The following IL1RL2 variants were observed in gnomAD, a reference collection of about 807,000 sequenced individuals.
IL1RL2 encodes interleukin 1 receptor like 2.
IL1RL2 carries 68 observed loss-of-function variants against 66.8 expected under a neutral mutation model. The ratio of observed to expected loss-of-function variants is 1.02; its 90% CI spans 0.84 to 1.25. IL1RL2 has a LOEUF of 1.25. Ranked by LOEUF, IL1RL2 falls within the 50% of genes most tolerant of loss-of-function variation. IL1RL2 has a pLI of 0.00. For missense variants in IL1RL2, 729 were observed against 709.3 expected, an observed-to-expected ratio of 1.03 and a Z score of -0.32; for synonymous variants, 305 against 264.6, an observed-to-expected ratio of 1.15 and a Z score of -1.48.
intron 4 of IL1RL2, among the ~76,000 whole-genome samples, chr2:102,197,015 A>G (rs1687844686): frequency 6.6e-6 from 1 of 152,216 alleles, no homozygotes; most frequent in Non-Finnish European, 1.5e-5. Flanking sequence ...AATCAAGTTA[A>G]GAAGTGCGGT....
rs576220108 is a variant in IL1RL2, at chr2:102,219,329, C to T, written c.854+247C>T. 5.3e-5 allele frequency among the ~76,000 whole-genome samples: 8 copies of T among 152,292 alleles called. No homozygotes were observed. The South Asian group carries it at 8.3e-4, about 16-fold the overall frequency. On this transcript the variant is annotated intron_variant, in intron 7 of 11. Coordinates refer to ENST00000264257, the MANE Select transcript of IL1RL2 (RefSeq NM_003854.4). ...TCCATTCAGTTATATCATGAGCCAT[C>T]GGCCTTCAAAGCTTAATGCCCCGGG... is the stretch of plus-strand genomic sequence containing the variant.
chr2:102,232,572 T>G (rs1340497307), intron 9 of IL1RL2, among the ~76,000 whole-genome samples: 1 of 152,244 alleles, frequency 6.6e-6, no homozygotes, highest in Non-Finnish European at 1.5e-5. Flanking sequence ...GCTATCCTCC[T>G]GCTTCAGCTT....
At chr2:102,196,206 T>C (rs573947178) in intron 4 of IL1RL2, among the ~76,000 whole-genome samples, 55 of 152,198 alleles carry the variant, frequency 3.6e-4, no homozygotes, top group Admixed American at 1.8e-3. Flanking sequence ...TTAAAAATTC[T>C]GATGTTCAGC....
chr2:102,191,815 G>A, intron 3 of IL1RL2, 110 bp from the exon 4 acceptor site: 1 of 717,930 alleles, frequency 1.4e-6, no homozygotes, highest in Non-Finnish European at 2.3e-6. Flanking sequence ...TAGAGGCAGA[G>A]GGTTTGCACA....
intron 2 of IL1RL2, 148 bp downstream of exon 2, chr2:102,188,073 CAG>C: frequency 1.4e-6 from 1 of 705,450 alleles, no homozygotes; most frequent in Non-Finnish European, 2.5e-6. Context: ...GAAGAGGAAA[CAG>C]AGAACCAGCT....
intron 8 of IL1RL2, among the ~76,000 whole-genome samples, chr2:102,224,615 G>T (rs1228954996): frequency 5.9e-5 from 9 of 151,944 alleles, no homozygotes; most frequent in Non-Finnish European, 1.2e-4. Context: ...ATGGGTAAAA[G>T]AAAAAAATAC....
At chr2:102,187,190 G>T (rs776428767) in intron 1 of IL1RL2, 104 bp downstream of exon 1, 230 of 1,238,892 alleles carry the variant, frequency 1.9e-4, no homozygotes, top group Non-Finnish European at 2.2e-4. Context: ...GCCACCGCAG[G>T]CCAGGGATCA....
intron 4 of IL1RL2, among the ~76,000 whole-genome samples, chr2:102,199,396 A>C (rs1688046512): frequency 1.3e-5 from 2 of 152,166 alleles, no homozygotes. Context: ...ACTATTCTGT[A>C]CCCACTGCAT....
chr2:102,214,060 C>A (rs935237894), intron 6 of IL1RL2, among the ~76,000 whole-genome samples: 10 of 152,064 alleles, frequency 6.6e-5, no homozygotes, highest in Admixed American at 2.6e-4. Context: ...AATAATAATA[C>A]CTATAATAAA....
intron 4 of IL1RL2, among the ~76,000 whole-genome samples, chr2:102,200,853 G>A (rs1320750904): frequency 6.6e-6 from 1 of 152,160 alleles, no homozygotes; most frequent in East Asian, 1.9e-4. Flanking sequence ...TTGTTGCCTT[G>A]TCCATGGAGG....
At chr2:102,192,427 A>C (rs549434920) in intron 4 of IL1RL2, among the ~76,000 whole-genome samples, 1 of 152,270 alleles carries the variant, frequency 6.6e-6, no homozygotes, top group South Asian at 2.1e-4. Flanking sequence ...TACTATGTGC[A>C]CATGGTTCAA....
Position 102,235,047 on chromosome 2 carries a change from T to G in IL1RL2, c.1448T>G (p.Val483Gly). The stretch of plus-strand genomic sequence containing the variant: ...GCCCTGATCCAGGACGGGATGAAGG[T>G]TATTCTCATTGAGCTGGAGAAAATC... ...YSALIQDGMK[V>G]ILIELEKIED... The change falls in exon 11 of 12, where the codon GTT becomes GGT. Residue 483 changes from valine (V) to glycine (G), a missense_variant. Transcript: ENST00000264257. 6.2e-7 allele frequency: 1 copy of G among 1,614,100 alleles called. No homozygotes were observed. The highest frequency in any genetic ancestry group is 8.5e-7 in the Non-Finnish European group (1 of 1,180,022).
chr2:102,225,645 G>T (rs191706999), intron 8 of IL1RL2, among the ~76,000 whole-genome samples: 1 of 152,188 alleles, frequency 6.6e-6, no homozygotes, highest in African/African-American at 2.4e-5. Context: ...GGAAACTAGG[G>T]CTCTGCAGAC....
In IL1RL2 at chr2:102,239,835, G is replaced by C. The variant is rs1424198294; in HGVS notation, c.*594G>C. 1 of 155,046 alleles carries C rather than the reference G, an allele frequency of 6.4e-6. No homozygotes were observed. Among genetic ancestry groups the C allele is most frequent in the Non-Finnish European group, 1.4e-5 (1 of 69,562 alleles). The allele number at this position is 155,046 out of a possible 1,614,324, so 9.6% of individuals were successfully genotyped here. A position where few individuals can be genotyped will look rare whatever the true frequency, so the allele number is the denominator to read the frequency against. On this transcript the variant is annotated 3_prime_UTR_variant, in exon 12 of 12. Transcript: ENST00000264257. ...GGGGATCACCTGTCATGGTGGGTGA[G>C]AGTTGGGATTCATCCCCATGTCATG...
At chr2:102,242,555 G>T (rs139502775), downstream of IL1RL2, among the ~76,000 whole-genome samples, 5 of 152,242 alleles carry the variant, frequency 3.3e-5, no homozygotes, top group African/African-American at 1.2e-4. Flanking sequence ...AGATGAGATG[G>T]TTCAGCTCAA....
chr2:102,233,534 G>A (rs750568870), intron 10 of IL1RL2, among the ~76,000 whole-genome samples: 3 of 152,136 alleles, frequency 2.0e-5, no homozygotes, highest in Non-Finnish European at 2.9e-5. Flanking sequence ...AAATCAGGTC[G>A]TGCTTAAAGC....
At chr2:102,231,279 A>T (rs1456676943) in intron 9 of IL1RL2, among the ~76,000 whole-genome samples, 1 of 151,738 alleles carries the variant, frequency 6.6e-6, no homozygotes, top group East Asian at 1.9e-4. Flanking sequence ...CAACTCTCCC[A>T]CCCTTTAAAA....
chr2:102,197,372 T>C (rs960083507), intron 4 of IL1RL2, among the ~76,000 whole-genome samples: 1 of 151,952 alleles, frequency 6.6e-6, no homozygotes, highest in Non-Finnish European at 1.5e-5. Context: ...GAATCCAGGA[T>C]GGACAGGAAA....
At chr2:102,213,993 G>A (rs539241891) in intron 6 of IL1RL2, among the ~76,000 whole-genome samples, 1 of 152,226 alleles carries the variant, frequency 6.6e-6, no homozygotes, top group East Asian at 1.9e-4. Context: ...GATAAAATCT[G>A]TTTAAATGCC....
Sources: gnomAD v4.1 joint callset for allele counts (sites outside exome capture counted in the v4.1 genomes callset) on GRCh38, gnomAD v4.1.1 for gene constraint, MANE v1.5 for transcripts, NCBI Gene and HGNC (gene_info 2026-07-23, HGNC 2026-07-21) for gene names.